CSF2RA: variants seen among roughly 807,000 people sequenced by gnomAD.
CSF2RA encodes the protein granulocyte-macrophage colony-stimulating factor receptor subunit alpha.
CSF2RA carries 42 observed loss-of-function variants against 51.6 expected under a neutral mutation model. The ratio of observed to expected loss-of-function variants is 0.81; its 90% confidence interval spans 0.64 to 1.05. The LOEUF is 1.05. Ranked by LOEUF, CSF2RA falls within the 50% of genes least tolerant of loss-of-function variation. The pLI is 0.00. For synonymous variants in CSF2RA, 222 were observed against 193.0 expected, an observed-to-expected ratio of 1.15 and a Z score of -1.24; for missense variants, 530 against 501.1, an observed-to-expected ratio of 1.06 and a Z score of -0.55.
At chrX:1,288,308 C>T (rs1262305606) in intron 4 of CSF2RA, among the ~76,000 whole-genome samples, 1 of 140,936 alleles carries the variant, frequency 7.1e-6, no homozygotes, top group African/African-American at 2.5e-5. Context: ...ATGGTGAAAC[C>T]CTGTCTCTAC....
chrX:1,314,951 G>GCCCAACCACTCTA (rs2084493716), downstream of CSF2RA, among the ~76,000 whole-genome samples: 1 of 110,930 alleles, frequency 9.0e-6, no homozygotes, highest in African/African-American at 3.6e-5. Flanking sequence ...CAACCCCTCT[G>GCCCAACCACTCTA]TGCCTGCCCA....
At chrX:1,268,960 AAAAG>A (rs1196455158) in intron 1 of CSF2RA, 81 bp downstream of exon 1, 1 of 446,600 alleles carries the variant, frequency 2.2e-6, no homozygotes, top group Admixed American at 2.4e-5. Context: ...CTGTCGATAG[AAAAG>A]AAAGAGACTG....
chrX:1,297,852 C>G (rs369499364), intron 9 of CSF2RA, among the ~76,000 whole-genome samples: 3,571 of 43,162 alleles, frequency 0.083, no homozygotes, highest in Non-Finnish European at 0.11. Context: ...GACCCCTACA[C>G]TCTCCTACCC....
chrX:1,316,256 TAGATGATA>T, the CSF2RA span, among the ~76,000 whole-genome samples: 1 of 138,054 alleles, frequency 7.2e-6, no homozygotes, highest in Non-Finnish European at 1.5e-5. Context: ...ATAGATTAGA[TAGATGATA>T]GATAGATAGA....
At chrX:1,288,462 A>G (rs2091021687) in intron 4 of CSF2RA, 57 bp from the exon 5 acceptor site, 1 of 1,612,444 alleles carries the variant, frequency 6.2e-7, no homozygotes, top group Non-Finnish European at 8.5e-7. Flanking sequence ...AGCCTGGGAG[A>G]CTGTAGGAGA....
At chrX:1,315,386 G>A in the CSF2RA span, among the ~76,000 whole-genome samples, 1 of 152,036 alleles carries the variant, frequency 6.6e-6, no homozygotes, top group South Asian at 2.1e-4. Context: ...ATAGATAGAT[G>A]ATAGATGAAT....
chrX:1,285,570 C>T (rs1309728150), intron 3 of CSF2RA: 3 of 647,692 alleles, frequency 4.6e-6, no homozygotes, highest in Non-Finnish European at 8.0e-6. Context: ...TGGTCGGCGC[C>T]TGTCATCCCA....
At chrX:1,287,763 G>A (rs755029227) in intron 4 of CSF2RA, among the ~76,000 whole-genome samples, 1 of 123,718 alleles carries the variant, frequency 8.1e-6, no homozygotes, top group Non-Finnish European at 1.7e-5. Flanking sequence ...GGGGGATGGA[G>A]TCTCTGTCTG....
At chrX:1,307,524 G>C (rs1210175464) in intron 12 of CSF2RA, among the ~76,000 whole-genome samples, 5 of 151,898 alleles carry the variant, frequency 3.3e-5, no homozygotes, top group Non-Finnish European at 7.4e-5. Flanking sequence ...TTAGACCTTT[G>C]ACTGATTAGA....
At chrX:1,275,772 A>T (rs1229857320) in intron 2 of CSF2RA, among the ~76,000 whole-genome samples, 3 of 151,680 alleles carry the variant, frequency 2.0e-5, no homozygotes, top group African/African-American at 7.3e-5. Flanking sequence ...GTTAGCCAGG[A>T]TGGTCTCGAT....
intron 1 of CSF2RA, among the ~76,000 whole-genome samples, chrX:1,272,817 CTTTTTTTCTTT>C (rs2088623757): frequency 1.2e-5 from 1 of 86,400 alleles, no homozygotes; most frequent in Non-Finnish European, 2.4e-5. Flanking sequence ...TTTTTTCTTT[CTTTTTTTCTTT>C]TTTTTTTTTA....
At chrX:1,316,463 C>G in the CSF2RA span, among the ~76,000 whole-genome samples, 1 of 152,156 alleles carries the variant, frequency 6.6e-6, no homozygotes, top group Non-Finnish European at 1.5e-5. Context: ...AAAGATACTA[C>G]CAGGGGCCAT....
downstream of CSF2RA, among the ~76,000 whole-genome samples, chrX:1,314,129 G>A (rs2084305507): frequency 6.6e-6 from 1 of 151,960 alleles, no homozygotes; most frequent in South Asian, 2.1e-4. Context: ...GTGTTCTTTG[G>A]CACCTACGGA....
At chrX:1,320,184 T>C in the CSF2RA span, among the ~76,000 whole-genome samples, 3 of 150,998 alleles carry the variant, frequency 2.0e-5, no homozygotes, top group African/African-American at 7.3e-5. Flanking sequence ...CATGAGCCAC[T>C]GCGCCCGGCC....
rs1479135621 is a variant in CSF2RA, at chrX:1,298,638, T to A, written c.811-1853T>A. 6.2e-3 allele frequency among the ~76,000 whole-genome samples: 37 copies of A among 5,932 alleles called. 3 individuals are homozygous for A. Among genetic ancestry groups the A allele is most frequent in the Non-Finnish European group, 0.018 (35 of 1,974 alleles). The allele number at this position is 5,932 out of a possible 152,430, so 3.9% of individuals were successfully genotyped here. On this transcript the variant is annotated intron_variant, in intron 9 of 12. Transcript: ENST00000381529. ...CACGACCCCTACACTCTCCTACCCA[T>A]GACCCCTGGTGGAACCCTACAGTCC...
At chrX:1,271,487 G>A (rs550918112) in intron 1 of CSF2RA, among the ~76,000 whole-genome samples, 4 of 151,338 alleles carry the variant, frequency 2.6e-5, no homozygotes, top group African/African-American at 7.3e-5. Context: ...TTACAGGCAC[G>A]TGCCACCATG....
chrX:1,324,877 G>A, the CSF2RA span, among the ~76,000 whole-genome samples: 1 of 152,096 alleles, frequency 6.6e-6, no homozygotes, highest in South Asian at 2.1e-4. Context: ...AGGCAGGAAA[G>A]TCTGACCTCC....
chrX:1,288,598 C>A lies in CSF2RA; in HGVS notation c.299C>A (p.Thr100Asn). The A allele has an allele frequency of 1.9e-6, 3 of 1,613,952 alleles. No individual in the cohort carries two copies. Among genetic ancestry groups the A allele is most frequent in the Non-Finnish European group, 2.5e-6 (3 of 1,179,862 alleles). ...EGVTFEVHVN[T>N]SQRGFQQKLL... ...GTCACATTTGAGGTTCACGTGAATACTAGTCAAAGAGGATTTCAACAGAAA... is the reference window on the plus strand; with the variant it reads ...GTCACATTTGAGGTTCACGTGAATAATAGTCAAAGAGGATTTCAACAGAAA... The change falls in exon 5 of 13, where the codon ACT becomes AAT. Residue 100 changes from threonine (T) to asparagine (N), a missense_variant. Thr to Asn is a moderately conservative substitution (Grantham distance 65, BLOSUM62 0). Coordinates refer to ENST00000381529, the MANE Select transcript of CSF2RA (RefSeq NM_172245.4).
At chrX:1,320,499 C>CTT in the CSF2RA span, among the ~76,000 whole-genome samples, 2,199 of 139,430 alleles carry the variant, frequency 0.016, 66 homozygotes, top group African/African-American at 0.051. Context: ...GCCAATGTGG[C>CTT]TTTTTTTTTT....
Sources: allele counts gnomAD v4.1 joint callset (sites outside exome capture counted in the v4.1 genomes callset), GRCh38; gene constraint gnomAD v4.1.1; transcripts MANE v1.5; gene names NCBI Gene and HGNC (gene_info 2026-07-23, HGNC 2026-07-21).